Variants in RGS5 observed in about 807,000 individuals in gnomAD.
RGS5 encodes regulator of G-protein signalling 5.
A neutral mutation model predicts 18.9 loss-of-function variants in RGS5; 20 were observed. That is an observed-to-expected ratio of 1.06 (90% CI 0.74 to 1.54). The LOEUF (loss-of-function observed/expected upper bound fraction) is 1.54, where lower values mean the gene tolerates loss of function less well. RGS5 is among the 40% of genes most tolerant of loss of function. RGS5 has a pLI of 0.00. For missense variants in RGS5, 201 were observed against 211.8 expected (o/e 0.95, Z 0.32); for synonymous variants, 57 against 76.2 (o/e 0.75, Z 1.31).
chr1:163,156,829 A>G (rs1264144991), intron 3 of RGS5, among the ~76,000 whole-genome samples: 1 of 152,180 alleles, frequency 6.6e-6, no homozygotes, highest in African/African-American at 2.4e-5. Flanking sequence ...TTGTGATGGC[A>G]CTCAAGTCCT....
At chr1:163,273,216 T>C (rs1648766243) in intron 2 of RGS5, among the ~76,000 whole-genome samples, 1 of 152,266 alleles carries the variant, frequency 6.6e-6, no homozygotes, top group South Asian at 2.1e-4. Flanking sequence ...CTGAACTCTT[T>C]GGGTGGAGCG....
At chr1:163,240,087 C>A (rs774051597) in intron 2 of RGS5, among the ~76,000 whole-genome samples, 12 of 151,442 alleles carry the variant, frequency 7.9e-5, no homozygotes, top group African/African-American at 2.7e-4. Context: ...AATACACCTG[C>A]CCTATGCCTC....
At chr1:163,169,983 C>T (rs945718632) in intron 1 of RGS5, among the ~76,000 whole-genome samples, 1 of 152,134 alleles carries the variant, frequency 6.6e-6, no homozygotes, top group Non-Finnish European at 1.5e-5. Flanking sequence ...ATTCTGGGTA[C>T]TCCTCCATCA....
At chr1:163,294,893 A>G (rs1175707369) in intron 2 of RGS5, among the ~76,000 whole-genome samples, 1 of 152,116 alleles carries the variant, frequency 6.6e-6, no homozygotes, top group Non-Finnish European at 1.5e-5. Context: ...TTCAAGTTCA[A>G]AGTTCCACAG....
intron 2 of RGS5, among the ~76,000 whole-genome samples, chr1:163,250,308 CA>C: frequency 6.6e-6 from 1 of 152,240 alleles, no homozygotes. Context: ...AAAAAAGAGC[CA>C]AAGACAAATA....
intron 2 of RGS5, among the ~76,000 whole-genome samples, chr1:163,305,735 G>A (rs537393473): frequency 1.0e-3 from 157 of 152,286 alleles, no homozygotes; most frequent in African/African-American, 3.6e-3. Context: ...AGATCAGAAA[G>A]GAACAAGAAG....
chr1:163,243,643 C>CAA lies in RGS5; in HGVS notation c.-281+62588_-281+62589dup, dbSNP rs3069033. Among the ~76,000 whole-genome samples, 493 of 54,584 alleles carry CAA rather than the reference C, an allele frequency of 9.0e-3. 27 individuals carry two copies. Among genetic ancestry groups the CAA allele is most frequent in the Middle Eastern group, 0.087 (4 of 46 alleles). 35.8% of individuals were successfully genotyped at this position (54,584 alleles called of 152,430 possible). A position where few individuals can be genotyped will look rare whatever the true frequency, so the allele number is the denominator to read the frequency against. ...TGGGCGACAGAGCAAGACTCCGTCT[C>CAA]AAAAAAAAAAAAAAAAAAAAAACCT... On this transcript the variant is annotated intron_variant, in intron 2 of 5. Coordinates refer to the RGS5 transcript ENST00000618415.
chr1:163,189,272 T>C (rs1258161698), intron 1 of RGS5, among the ~76,000 whole-genome samples: 1 of 152,172 alleles, frequency 6.6e-6, no homozygotes, highest in African/African-American at 2.4e-5. Context: ...CTTCCCCTCA[T>C]GGGTTGTACA....
intron 2 of RGS5, among the ~76,000 whole-genome samples, chr1:163,249,497 T>G (rs548442491): frequency 4.3e-4 from 65 of 151,662 alleles, no homozygotes; most frequent in Non-Finnish European, 7.2e-4. Context: ...TCCTTTTTAA[T>G]AAAATGAGGA....
At chr1:163,148,456 G>C (rs1322640235) in intron 4 of RGS5, among the ~76,000 whole-genome samples, 1 of 152,206 alleles carries the variant, frequency 6.6e-6, no homozygotes. Context: ...GTCGGTGCCA[G>C]GCACTTTGCA....
At chr1:163,290,713 G>C (rs957767718) in intron 2 of RGS5, among the ~76,000 whole-genome samples, 2 of 150,590 alleles carry the variant, frequency 1.3e-5, no homozygotes, top group African/African-American at 4.9e-5. Context: ...TCCATAGTTA[G>C]AAGAAAAAAG....
At position 163,294,427 on chromosome 1, in the gene RGS5, T is replaced by C. The variant is rs569076749; in HGVS notation, c.-281+11806A>G. Among the ~76,000 whole-genome samples the C allele has an allele frequency of 2.6e-5, 4 of 152,350 alleles. No individual in the cohort carries two copies. In the East Asian group the frequency reaches 5.8e-4, roughly 22 times the overall value. On this transcript the variant is annotated intron_variant, in intron 2 of 5. Transcript: ENST00000618415. ...GCCCAAGCTGTACCTTGGACCATTT[T>C]AGTCATGACTGGAGCTGGAGCAGCC...
intron 2 of RGS5, among the ~76,000 whole-genome samples, chr1:163,259,588 T>C (rs1648375586): frequency 6.6e-6 from 1 of 152,128 alleles, no homozygotes; most frequent in African/African-American, 2.4e-5. Flanking sequence ...AGAACATCAG[T>C]ACAGCTGGAG....
At chr1:163,187,002 C>A (rs1413676894) in intron 1 of RGS5, among the ~76,000 whole-genome samples, 2 of 152,128 alleles carry the variant, frequency 1.3e-5, no homozygotes, top group Non-Finnish European at 1.5e-5. Flanking sequence ...CTTTGTTATT[C>A]TTTTCTTTTT....
intron 1 of RGS5, among the ~76,000 whole-genome samples, chr1:163,192,721 G>T (rs1312511206): frequency 6.6e-6 from 1 of 152,120 alleles, no homozygotes; most frequent in Non-Finnish European, 1.5e-5. Context: ...GCACTTCGGT[G>T]ATTCAGAAGC....
intron 1 of RGS5, among the ~76,000 whole-genome samples, chr1:163,214,843 T>C (rs1355632005): frequency 6.6e-6 from 1 of 152,194 alleles, no homozygotes; most frequent in East Asian, 1.9e-4. Context: ...TGACCTAGAA[T>C]CAAAAATTGC....
At chr1:163,150,288 A>G (rs1050936324) in intron 4 of RGS5, among the ~76,000 whole-genome samples, 3 of 152,140 alleles carry the variant, frequency 2.0e-5, no homozygotes, top group African/African-American at 7.2e-5. Flanking sequence ...TTTTAAAATT[A>G]TATTTTAGGT....
chr1:163,161,772 AG>A (rs1351506696), intron 3 of RGS5, 142 bp downstream of exon 3: 1 of 608,750 alleles, frequency 1.6e-6, no homozygotes, highest in Non-Finnish European at 3.0e-6. Context: ...ACATACCTGC[AG>A]CCCCCTTCCC....
chr1:163,211,991 A>T (rs1450873465), intron 1 of RGS5: 1 of 152,228 alleles, frequency 6.6e-6, no homozygotes, highest in Non-Finnish European at 1.5e-5. Context: ...GGACATTTTA[A>T]AAACAAAGTC....
Sources: allele counts gnomAD v4.1 joint callset (sites outside exome capture counted in the v4.1 genomes callset), GRCh38; gene constraint gnomAD v4.1.1; transcripts MANE v1.5; gene names NCBI Gene and HGNC (gene_info 2026-07-23, HGNC 2026-07-21).